Variants in CCDC66 observed in about 807,000 individuals in gnomAD.
CCDC66 encodes coiled-coil domain-containing protein 66.
A neutral mutation model predicts 128.3 loss-of-function variants in CCDC66; 133 were observed. That is an observed-to-expected ratio of 1.04 (90% CI 0.90 to 1.20). The LOEUF is 1.20. CCDC66 is among the 50% of genes most tolerant of loss of function. The pLI, the probability that CCDC66 is intolerant of heterozygous loss-of-function variation, is 0.00. For synonymous variants in CCDC66, 387 were observed against 357.0 expected (o/e 1.08, Z -0.95); for missense variants, 1,126 against 1,075.5 (o/e 1.05, Z -0.66).
intron 1 of CCDC66, 58 bp from the exon 2 acceptor site, chr3:56,558,788 T>A (rs1577177714): frequency 8.9e-7 from 1 of 1,125,532 alleles, no homozygotes; most frequent in East Asian, 2.6e-5. Context: ...ACATTTCTGG[T>A]TATTTAAAAT....
chr3:56,575,134 AATTTTGTGTTAAACT>A lies in CCDC66; in HGVS notation c.936+3846_936+3860del, dbSNP rs1173692205. On this transcript the variant is annotated intron_variant, in intron 7 of 17. Transcript: ENST00000394672. ...AAATTTTTACCAATTTTAATTTTGT[AATTTTGTGTTAAACT>A]ATTTTGTGTTAAATTTTGTGTTAAA... Among the ~76,000 whole-genome samples, 67 of 151,656 alleles carry A rather than the reference AATTTTGTGTTAAACT, an allele frequency of 4.4e-4. 3 individuals are homozygous for A. Among genetic ancestry groups the A allele is most frequent in the Admixed American group, 4.4e-3 (66 of 15,076 alleles).
chr3:56,560,367 A>G (rs1200443253), intron 3 of CCDC66, among the ~76,000 whole-genome samples: 1 of 152,136 alleles, frequency 6.6e-6, no homozygotes, highest in African/African-American at 2.4e-5. Flanking sequence ...CACCATGCCC[A>G]GCTAATTTTT....
intron 10 of CCDC66, among the ~76,000 whole-genome samples, chr3:56,604,607 C>G (rs1313065542): frequency 1.3e-5 from 2 of 151,612 alleles, no homozygotes; most frequent in Non-Finnish European, 2.9e-5. Flanking sequence ...TGAATATTGG[C>G]CCCAACTCTC....
chr3:56,617,942 C>T (rs2075727996), intron 14 of CCDC66: 1 of 581,628 alleles, frequency 1.7e-6, no homozygotes, highest in East Asian at 2.8e-5. Context: ...TATTCAAATA[C>T]CCCTTTAAAA....
intron 4 of CCDC66, among the ~76,000 whole-genome samples, chr3:56,565,540 C>T (rs1402307703): frequency 6.6e-6 from 1 of 151,314 alleles, no homozygotes; most frequent in Non-Finnish European, 1.5e-5. Context: ...ATCCGCCTGC[C>T]TCAGCCTCCT....
intron 13 of CCDC66, 115 bp downstream of exon 13, chr3:56,616,168 T>A: frequency 1.1e-6 from 1 of 898,100 alleles, no homozygotes; most frequent in Non-Finnish European, 1.7e-6. Flanking sequence ...AGGTTTTCAG[T>A]AAGAGTTACA....
chr3:56,568,004 T>G (rs1559617760), intron 6 of CCDC66, among the ~76,000 whole-genome samples: 1 of 152,192 alleles, frequency 6.6e-6, no homozygotes, highest in Admixed American at 6.5e-5. Flanking sequence ...GTGGTTTTAT[T>G]ATGTACATGA....
At chr3:56,593,339 G>A (rs2071274687) in intron 8 of CCDC66, 152 bp from the exon 9 acceptor site, 4 of 888,166 alleles carry the variant, frequency 4.5e-6, no homozygotes, top group Admixed American at 2.9e-5. Flanking sequence ...TGATCTATAT[G>A]TATAAGGACT....
At chr3:56,615,870 T>C in intron 12 of CCDC66, 52 bp from the exon 13 acceptor site, 1 of 1,476,400 alleles carries the variant, frequency 6.8e-7, no homozygotes, top group South Asian at 1.2e-5. Flanking sequence ...TATACATAAT[T>C]TTTATTAATA....
At chr3:56,589,827 AT>A (rs1477384502) in intron 7 of CCDC66, among the ~76,000 whole-genome samples, 2 of 152,138 alleles carry the variant, frequency 1.3e-5, no homozygotes, top group African/African-American at 2.4e-5. Context: ...AGACAACCCA[AT>A]TTTTTTAATT....
chr3:56,573,123 T>C (rs2066865383), intron 7 of CCDC66, among the ~76,000 whole-genome samples: 1 of 152,250 alleles, frequency 6.6e-6, no homozygotes, highest in South Asian at 2.1e-4. Context: ...TCAGTTGAAA[T>C]GTCAATATAT....
chr3:56,612,135 A>C (rs1240961247), intron 10 of CCDC66, among the ~76,000 whole-genome samples: 1 of 152,176 alleles, frequency 6.6e-6, no homozygotes, highest in Non-Finnish European at 1.5e-5. Context: ...CATATTCTGC[A>C]CCTTGATATC....
chr3:56,579,115 A>AACT (rs2067890851), intron 7 of CCDC66, among the ~76,000 whole-genome samples: 1 of 150,806 alleles, frequency 6.6e-6, no homozygotes, highest in Admixed American at 6.7e-5. Flanking sequence ...TCAGGGATTC[A>AACT]TCTTCCTGGT....
chr3:56,578,667 C>G (rs1003899263), intron 7 of CCDC66, among the ~76,000 whole-genome samples: 1 of 151,734 alleles, frequency 6.6e-6, no homozygotes, highest in Non-Finnish European at 1.5e-5. Flanking sequence ...TTGAGATAAT[C>G]ATGTGGTTTT....
At chr3:56,611,991 C>G (rs1324155588) in intron 10 of CCDC66, among the ~76,000 whole-genome samples, 1 of 152,202 alleles carries the variant, frequency 6.6e-6, no homozygotes. Flanking sequence ...CTAAGGATTG[C>G]TGGTCTGTTC....
chr3:56,612,338 G>T (rs928351020), intron 10 of CCDC66, among the ~76,000 whole-genome samples: 6 of 152,132 alleles, frequency 3.9e-5, no homozygotes, highest in African/African-American at 9.7e-5. Context: ...GCAGTTGTTC[G>T]TGGAGGCTGT....
rs1392611260 is a variant in CCDC66 at position 56,557,190 on chromosome 3, C to T, written c.-53C>T. 1 of 1,551,102 alleles carries T rather than the reference C, an allele frequency of 6.4e-7. No individual in the cohort carries two copies. Among genetic ancestry groups the T allele is most frequent in the Non-Finnish European group, 8.7e-7 (1 of 1,146,858 alleles). On this transcript the variant is annotated 5_prime_UTR_variant, in exon 1 of 18. Transcript: ENST00000394672. ...AGCGCTTGCTGAGCGGCGGCGGCAA[C>T]CGACGTACACAAGGGGCTTGAGCGT...
At position 56,571,227 on chromosome 3, in the gene CCDC66, A is replaced by G. The variant is rs1407438320; in HGVS notation, c.861A>G (p.Lys287=). ...AGAAAGAAAAAGAAGTTTCTGAAAA[A>G]TGGAATGATCCTTGGAAAAAATCTG... The part of the protein sequence containing the change: ...LKKKEKEVSE[K]WNDPWKKSES... The change falls in exon 7 of 18, where the codon AAA becomes AAG. Residue 287 remains lysine, a synonymous_variant. Coordinates refer to ENST00000394672, the MANE Select transcript of CCDC66 (RefSeq NM_001141947.3). The G allele has an allele frequency of 2.6e-6, 4 of 1,540,148 alleles. No individual in the cohort carries two copies. The highest frequency in any genetic ancestry group is 3.5e-6 in the Non-Finnish European group (4 of 1,129,170).
chr3:56,593,063 C>T lies in CCDC66; in HGVS notation c.1030C>T (p.Arg344Cys), dbSNP rs372384637. The change falls in exon 8 of 18, where the codon CGT becomes TGT. Residue 344 changes from arginine to cysteine, a missense_variant. Transcript: ENST00000394672. ...EELNKQIEDDRQRKIEEKIIY... is the reference protein window; with the variant it reads ...EELNKQIEDDCQRKIEEKIIY... Reference sequence around the variant, plus strand: ...GTTGAATAAGCAAATAGAAGATGACCGTCAAAGAAAAATAGAGGAAAAAAT... The same window carrying T: ...GTTGAATAAGCAAATAGAAGATGACTGTCAAAGAAAAATAGAGGAAAAAAT... 57 of 1,603,274 alleles carry T rather than the reference C, an allele frequency of 3.6e-5. No individual in the cohort carries two copies. The highest frequency in any genetic ancestry group is 3.9e-4 in the Middle Eastern group (2 of 5,106).
Sources: gnomAD v4.1 joint callset for allele counts (sites outside exome capture counted in the v4.1 genomes callset) on GRCh38, gnomAD v4.1.1 for gene constraint, MANE v1.5 for transcripts, NCBI Gene and HGNC (gene_info 2026-07-23, HGNC 2026-07-21) for gene names.